Variants in CCDC110 observed in about 807,000 individuals in gnomAD.
CCDC110 encodes the protein coiled-coil domain containing 110, also known as coiled-coil domain-containing protein 110.
In CCDC110, 70 loss-of-function variants were observed where a neutral mutation model predicts 77.1. The observed-to-expected ratio is 0.91, with a 90% CI of 0.75 to 1.11. The LOEUF (loss-of-function observed/expected upper bound fraction) is 1.11. CCDC110 is among the 50% of genes least tolerant of loss of function. The pLI is 0.00. For synonymous variants in CCDC110, 295 were observed against 312.5 expected, an observed-to-expected ratio of 0.94 and a Z score of 0.59; for missense variants, 868 against 942.9, an observed-to-expected ratio of 0.92 and a Z score of 1.04.
chr4:185,451,015 G>A (rs546423383), intron 6 of CCDC110, among the ~76,000 whole-genome samples: 11 of 152,272 alleles, frequency 7.2e-5, no homozygotes, highest in Middle Eastern at 6.8e-3. Flanking sequence ...CCTGGTAGGA[G>A]TTAATTCAAT....
In CCDC110 at chr4:185,460,095, TA is replaced by T. The variant is rs1197379423; in HGVS notation, c.491del (p.Ile164AsnfsTer7). 1.1e-5 allele frequency: 17 copies of T among 1,613,700 alleles called. No homozygotes were observed. The highest frequency in any genetic ancestry group is 1.3e-5 in the Non-Finnish European group (15 of 1,179,950). On this transcript the variant is annotated frameshift_variant, in exon 6 of 7. Coordinates refer to ENST00000307588, the MANE Select transcript of CCDC110 (RefSeq NM_152775.4). LOFTEE classifies it high-confidence loss of function. ...LPQSVNVPSQ[I>X]HSEDTLTLRT... The stretch of plus-strand genomic sequence containing the variant: ...TCAGAGTTAATGTGTCCTCGGAATG[TA>T]TCTGGGATGGAACATTTACACTTTG...
rs915928975 is a variant in CCDC110 at position 185,445,418 on chromosome 4, G to T, written c.*84C>A. The stretch of plus-strand genomic sequence containing the variant: ...CGCCTCATTATGAGTCATTTGAGAT[G>T]AGTTAGATATGCATAGTTCAGTTAG... On this transcript the variant is annotated 3_prime_UTR_variant, in exon 7 of 7. Transcript: ENST00000307588. 23 of 960,712 alleles carry T rather than the reference G, an allele frequency of 2.4e-5. No individual in the cohort carries two copies. The highest frequency in any genetic ancestry group is 3.4e-5 in the Non-Finnish European group (21 of 619,072). 59.5% of individuals were successfully genotyped at this position (960,712 alleles called of 1,614,324 possible). A position where few individuals can be genotyped will look rare whatever the true frequency, so the allele number is the denominator to read the frequency against.
chr4:185,467,373 A>G (rs2153324600), intron 2 of CCDC110, among the ~76,000 whole-genome samples: 1 of 152,364 alleles, frequency 6.6e-6, no homozygotes, highest in South Asian at 2.1e-4. Context: ...TTTAAAAACT[A>G]GGCAATACTT....
rs146603776 is a variant in CCDC110 at position 185,460,130 on chromosome 4, T to C, written c.457A>G (p.Ser153Gly). 1.9e-6 allele frequency: 3 copies of C among 1,613,424 alleles called. No individual in the cohort carries two copies. The African/African-American group carries it at 4.0e-5, about 22-fold the overall frequency. ...EEKLSGDSVN[S>G]LPQSVNVPSQ... is the part of the protein sequence containing the mutation. ...GGAACATTTACACTTTGAGGGAGAC[T>C]GTTCACACTATCACCACTTAATTTT... Residue 153 changes from serine (S) to glycine (G), a missense_variant, in exon 6 of 7, where the codon AGT becomes GGT. Physicochemically the swap from Ser to Gly is moderately conservative, Grantham distance 56 (BLOSUM62 0). Transcript: ENST00000307588.
Position 185,462,668 on chromosome 4 carries a change from A to T in CCDC110, c.212T>A (p.Met71Lys), listed in dbSNP as rs754800606. The change falls in exon 4 of 7, where the codon ATG becomes AAG. Residue 71 changes from methionine (M) to lysine (K), a missense_variant. Met to Lys is a moderately conservative substitution (Grantham distance 95, BLOSUM62 -1). Coordinates refer to ENST00000307588, the MANE Select transcript of CCDC110 (RefSeq NM_152775.4). ...QQLESFQALR[M>K]QTLQNVSMVQ... The stretch of plus-strand genomic sequence containing the variant: ...CATGCTGACATTCTGCAAAGTCTGC[A>T]TTCGCAAAGCCTGAAATGATTCCAA... 1 of 1,613,906 alleles carries T rather than the reference A, an allele frequency of 6.2e-7. No individual in the cohort carries two copies. Among genetic ancestry groups the T allele is most frequent in the Non-Finnish European group, 8.5e-7 (1 of 1,179,850 alleles).
Position 185,471,602 on chromosome 4 carries a change from C to T in CCDC110, c.10+72G>A, listed in dbSNP as rs780596664. The T allele has an allele frequency of 3.3e-6, 5 of 1,495,582 alleles. No homozygotes were observed. The African/African-American group carries it at 4.4e-5, about 13-fold the overall frequency. 92.6% of individuals were successfully genotyped at this position (1,495,582 alleles called of 1,614,324 possible). The stretch of plus-strand genomic sequence containing the variant: ...TCCCGGGTTTTCGAGCGGGGAGCCG[C>T]CTGCTGAATGCCCTTCTGCTGCCCT... On this transcript the variant is annotated intron_variant, in intron 1 of 6. Coordinates refer to ENST00000307588, the MANE Select transcript of CCDC110 (RefSeq NM_152775.4).
At chr4:185,466,088 T>C (rs535614042) in intron 2 of CCDC110, among the ~76,000 whole-genome samples, 4 of 152,242 alleles carry the variant, frequency 2.6e-5, no homozygotes, top group African/African-American at 9.6e-5. Flanking sequence ...TCATTCAACA[T>C]GGATGGGCCG....
At chr4:185,465,586 G>T (rs923937144) in intron 2 of CCDC110, among the ~76,000 whole-genome samples, 3 of 152,170 alleles carry the variant, frequency 2.0e-5, no homozygotes, top group African/African-American at 7.2e-5. Context: ...TGAGCGGGTT[G>T]GCTTTTCCTT....
intron 6 of CCDC110, among the ~76,000 whole-genome samples, chr4:185,455,654 C>T (rs1211824208): frequency 1.3e-5 from 2 of 152,090 alleles, no homozygotes; most frequent in Non-Finnish European, 2.9e-5. Flanking sequence ...GAGGCCGAGG[C>T]AGGTGGATCA....
chr4:185,460,526 G>A (rs2095644125), intron 5 of CCDC110, among the ~76,000 whole-genome samples: 1 of 152,216 alleles, frequency 6.6e-6, no homozygotes, highest in African/African-American at 2.4e-5. Context: ...TCCTTCAAGA[G>A]GCTGTCATAG....
At chr4:185,466,537 G>A (rs2095656468) in intron 2 of CCDC110, among the ~76,000 whole-genome samples, 1 of 151,686 alleles carries the variant, frequency 6.6e-6, no homozygotes, top group Non-Finnish European at 1.5e-5. Context: ...AGGGAAGACA[G>A]TGCATCCTGG....
At chr4:185,469,796 G>A (rs888002023) in intron 2 of CCDC110, among the ~76,000 whole-genome samples, 2 of 152,150 alleles carry the variant, frequency 1.3e-5, no homozygotes, top group Non-Finnish European at 2.9e-5. Context: ...TCTTCTTTCC[G>A]GGCCCTGACA....
rs776219591 is a variant in CCDC110, at chr4:185,458,810, G to A, written c.1777C>T (p.His593Tyr). 3 of 1,608,814 alleles carry A rather than the reference G, an allele frequency of 1.9e-6. No individual in the cohort carries two copies. The Admixed American group carries it at 5.1e-5, about 27-fold the overall frequency. ...DEKEMLEKKT[H>Y]QLLKEKSSLG... ...GAGCTTTTTTCTTTTAGAAGCTGGT[G>A]TGTTTTTTTCTCTAACATTTCTTTT... is the stretch of plus-strand genomic sequence containing the variant. Residue 593 changes from histidine (H) to tyrosine (Y), a missense_variant, in exon 6 of 7, where the codon CAC becomes TAC. Transcript: ENST00000307588.
At chr4:185,471,115 C>T in intron 1 of CCDC110, 66 bp from the exon 2 acceptor site, 3 of 68,976 alleles carry the variant, frequency 4.3e-5, no homozygotes, top group South Asian at 3.9e-4. Context: ...AAGGTGGGGG[C>T]GGGGCAGAGG....
At position 185,459,204 on chromosome 4, in the gene CCDC110, A is replaced by G. The variant is rs764408391; in HGVS notation, c.1383T>C (p.Pro461=). 4 of 1,603,630 alleles carry G rather than the reference A, an allele frequency of 2.5e-6. No individual in the cohort carries two copies. The highest frequency in any genetic ancestry group is 3.5e-5 in the Admixed American group (2 of 57,914). ...ENLNLKSKMK[P]LIFTTQSLIQ... is the part of the protein sequence containing the mutation. ...TGAGAGATTGTGTGGTAAAGATAAG[A>G]GGTTTCATTTTGGACTTAAGGTTTA... The change falls in exon 6 of 7, where the codon CCT becomes CCC. Residue 461 remains proline (P), a synonymous_variant. Transcript: ENST00000307588.
chr4:185,463,906 C>T (rs1262963046), intron 2 of CCDC110, among the ~76,000 whole-genome samples: 27 of 152,078 alleles, frequency 1.8e-4, no homozygotes, highest in Non-Finnish European at 1.9e-4. Context: ...TTTTGCTTGG[C>T]GACTCCGATA....
At chr4:185,452,910 AAG>A (rs2095631163) in intron 6 of CCDC110, among the ~76,000 whole-genome samples, 2 of 145,762 alleles carry the variant, frequency 1.4e-5, no homozygotes, top group African/African-American at 5.0e-5. Flanking sequence ...AAAAAAAAAA[AAG>A]CCAGGTTCAA....
intron 6 of CCDC110, among the ~76,000 whole-genome samples, chr4:185,453,169 G>A (rs555204826): frequency 6.6e-6 from 1 of 152,258 alleles, no homozygotes; most frequent in Non-Finnish European, 1.5e-5. Flanking sequence ...GGAGTTTGAG[G>A]CCAGACTGGG....
chr4:185,456,204 C>T (rs967311406), intron 6 of CCDC110, among the ~76,000 whole-genome samples: 8 of 152,090 alleles, frequency 5.3e-5, no homozygotes, highest in Non-Finnish European at 1.2e-4. Context: ...AGAAAAATAA[C>T]TGAAAATCTC....
Sources: allele counts gnomAD v4.1 joint callset (sites outside exome capture counted in the v4.1 genomes callset), GRCh38; gene constraint gnomAD v4.1.1; transcripts MANE v1.5; gene names NCBI Gene and HGNC (gene_info 2026-07-23, HGNC 2026-07-21).